ABI3BP: variants seen among roughly 807,000 people sequenced by gnomAD.
The protein encoded by ABI3BP is target of Nesh-SH3.
In ABI3BP, 216 loss-of-function variants were observed where a neutral mutation model predicts 268.6. The observed-to-expected ratio is 0.80, with a 90% CI of 0.72 to 0.90. The LOEUF is 0.90. Among genes scored for constraint, ABI3BP ranks in the 40% least tolerant of loss-of-function variants. The pLI is 0.00. For synonymous variants in ABI3BP, 730 were observed against 730.0 expected, an observed-to-expected ratio of 1.00 and a Z score of 0.00; for missense variants, 2,090 against 2,182.4, an observed-to-expected ratio of 0.96 and a Z score of 0.84.
chr3:100,794,823 T>G, intron 54 of ABI3BP, 100 bp downstream of exon 54: 1 of 835,078 alleles, frequency 1.2e-6, no homozygotes, highest in South Asian at 1.6e-5. Context: ...AAATAACCTA[T>G]TATTTAGAAA....
At chr3:100,806,424 T>C (rs73152445) in intron 50 of ABI3BP, among the ~76,000 whole-genome samples, 21,035 of 152,078 alleles carry the variant, frequency 0.14, 1,893 homozygotes, top group South Asian at 0.27. Flanking sequence ...GTCTTTAAAA[T>C]ATTTTGTGAT....
intron 1 of ABI3BP, among the ~76,000 whole-genome samples, chr3:100,973,890 T>A (rs1020196232): frequency 6.6e-6 from 1 of 152,184 alleles, no homozygotes; most frequent in African/African-American, 2.4e-5. Flanking sequence ...TTCCACATAT[T>A]ATCTCATCTG....
At chr3:100,959,684 T>C (rs2078256288) in intron 1 of ABI3BP, among the ~76,000 whole-genome samples, 1 of 151,760 alleles carries the variant, frequency 6.6e-6, no homozygotes, top group South Asian at 2.1e-4. Context: ...AAGCTGAGGG[T>C]AGGATAGAAC....
chr3:100,816,013 C>CT (rs1036770773), intron 43 of ABI3BP, 42 bp from the exon 44 acceptor site: 13 of 1,378,186 alleles, frequency 9.4e-6, no homozygotes, highest in African/African-American at 3.0e-5. Context: ...AGCTTAAAGA[C>CT]TTTTTAAAAA....
chr3:100,907,950 C>G (rs561532205), intron 2 of ABI3BP, among the ~76,000 whole-genome samples: 2 of 151,944 alleles, frequency 1.3e-5, no homozygotes, highest in African/African-American at 4.8e-5. Flanking sequence ...CCCATCTCTA[C>G]TAAAAAATAC....
intron 1 of ABI3BP, among the ~76,000 whole-genome samples, chr3:100,992,359 C>G (rs911615659): frequency 1.3e-5 from 2 of 152,168 alleles, no homozygotes; most frequent in African/African-American, 2.4e-5. Context: ...GATATTCTGA[C>G]ACTAGCAACC....
At chr3:100,972,664 T>C (rs1363881048) in intron 1 of ABI3BP, among the ~76,000 whole-genome samples, 1 of 152,192 alleles carries the variant, frequency 6.6e-6, no homozygotes, top group East Asian at 1.9e-4. Flanking sequence ...CTGAATGTTT[T>C]GGATTTCTTA....
chr3:100,843,950 T>C, intron 20 of ABI3BP: 1 of 985,332 alleles, frequency 1.0e-6, no homozygotes. Context: ...ATTTTTGAGT[T>C]CCTGGCTGAG....
chr3:100,892,125 T>C (rs2045007860), intron 4 of ABI3BP, among the ~76,000 whole-genome samples: 1 of 152,242 alleles, frequency 6.6e-6, no homozygotes, highest in Non-Finnish European at 1.5e-5. Flanking sequence ...AGAGATTCTA[T>C]GACTTATTTT....
intron 4 of ABI3BP, among the ~76,000 whole-genome samples, 152 bp downstream of exon 4, chr3:100,898,610 C>A (rs1418799927): frequency 6.6e-6 from 1 of 152,160 alleles, no homozygotes; most frequent in African/African-American, 2.4e-5. Flanking sequence ...AGGTAGATAA[C>A]CTTCTCAAGG....
intron 49 of ABI3BP, among the ~76,000 whole-genome samples, chr3:100,809,001 CT>C (rs2097781742): frequency 6.6e-6 from 1 of 151,984 alleles, no homozygotes; most frequent in Non-Finnish European, 1.5e-5. Flanking sequence ...TTTCAGACAC[CT>C]TAAGAAAAAC....
intron 17 of ABI3BP, among the ~76,000 whole-genome samples, chr3:100,849,084 T>C (rs924526924): frequency 6.6e-6 from 1 of 151,220 alleles, no homozygotes; most frequent in Admixed American, 6.6e-5. Context: ...TACATGAGAA[T>C]TGAAGATATA....
chr3:100,810,539 T>C, intron 48 of ABI3BP, 62 bp from the exon 49 acceptor site: 1 of 1,161,246 alleles, frequency 8.6e-7, no homozygotes, highest in Non-Finnish European at 1.2e-6. Flanking sequence ...TGAGTACAGA[T>C]AACAGACAGG....
intron 40 of ABI3BP, 132 bp from the exon 41 acceptor site, chr3:100,818,713 G>T: frequency 1.3e-6 from 1 of 774,572 alleles, no homozygotes; most frequent in Non-Finnish European, 2.1e-6. Context: ...TTGAAGACTT[G>T]GCCATCTTAT....
At chr3:100,819,418 T>C (rs2098140182) in intron 40 of ABI3BP, among the ~76,000 whole-genome samples, 1 of 152,160 alleles carries the variant, frequency 6.6e-6, no homozygotes, top group African/African-American at 2.4e-5. Context: ...AAGTTCAATT[T>C]ACCCAGATAC....
intron 1 of ABI3BP, among the ~76,000 whole-genome samples, chr3:100,974,061 C>G (rs939981430): frequency 1.1e-4 from 16 of 152,054 alleles, no homozygotes; most frequent in Non-Finnish European, 2.1e-4. Flanking sequence ...TTACCTGACT[C>G]TTTCCTATTA....
chr3:100,774,486 A>G, intron 61 of ABI3BP, 119 bp downstream of exon 61: 1 of 745,004 alleles, frequency 1.3e-6, no homozygotes, highest in Non-Finnish European at 2.1e-6. Flanking sequence ...ATGAAAAATA[A>G]AACCTTATTA....
chr3:100,901,485 T>A (rs2576394), intron 3 of ABI3BP, among the ~76,000 whole-genome samples: 3 of 152,124 alleles, frequency 2.0e-5, no homozygotes, highest in Admixed American at 6.5e-5. Flanking sequence ...AAAAGCAGGC[T>A]GGGTGCAGTG....
At chr3:100,894,700 G>A (rs1396401582) in intron 4 of ABI3BP, among the ~76,000 whole-genome samples, 1 of 151,978 alleles carries the variant, frequency 6.6e-6, no homozygotes, top group East Asian at 1.9e-4. Context: ...AGCACTTTGG[G>A]AGGCCAAGGA....
Sources: gnomAD v4.1 joint callset for allele counts (sites outside exome capture counted in the v4.1 genomes callset) on GRCh38, gnomAD v4.1.1 for gene constraint, MANE v1.5 for transcripts, NCBI Gene and HGNC (gene_info 2026-07-23, HGNC 2026-07-21) for gene names.